Variants in EIF3J observed in about 807,000 individuals in gnomAD.
EIF3J encodes eukaryotic translation initiation factor 3 subunit J, also known as eukaryotic translation initiation factor 3, subunit 1 (alpha, 35kD).
In EIF3J, 15 loss-of-function variants were observed where a neutral mutation model predicts 39.0. The ratio of observed to expected loss-of-function variants is 0.38; its 90% CI spans 0.26 to 0.59. EIF3J has a LOEUF of 0.59. Ranked by LOEUF, EIF3J falls within the 20% of genes least tolerant of loss-of-function variation. EIF3J has a pLI of 0.60. For missense variants in EIF3J, 226 were observed against 308.6 expected (o/e 0.73, Z 2.00); for synonymous variants, 98 against 112.9 (o/e 0.87, Z 0.84).
In EIF3J at chr15:44,551,486, G is replaced by A; in HGVS notation, c.258G>A (p.Arg86=). ...CAGAGAAGATAAAAGAGAAAGAACGGCAACAGAAGAAAAGGCAAGAAGAAA... is the reference window on the plus strand; with the variant it reads ...CAGAGAAGATAAAAGAGAAAGAACGACAACAGAAGAAAAGGCAAGAAGAAA... The part of the protein sequence containing the change: ...KIAEKIKEKE[R]QQKKRQEEIK... Residue 86 remains arginine (R), a synonymous_variant, in exon 4 of 8, where the codon CGG becomes CGA. Transcript: ENST00000261868. The A allele has an allele frequency of 1.3e-6, 2 of 1,590,784 alleles. No individual in the cohort carries two copies. Among genetic ancestry groups the A allele is most frequent in the South Asian group, 2.3e-5 (2 of 86,500 alleles).
At chr15:44,549,780 A>C (rs1009685038) in intron 2 of EIF3J, among the ~76,000 whole-genome samples, 5 of 150,122 alleles carry the variant, frequency 3.3e-5, no homozygotes, top group Admixed American at 1.3e-4. Flanking sequence ...AAAAAAAAAA[A>C]AAAAAAAAAA....
intron 2 of EIF3J, among the ~76,000 whole-genome samples, chr15:44,548,346 C>T (rs957180066): frequency 2.0e-5 from 3 of 152,146 alleles, no homozygotes; most frequent in African/African-American, 7.2e-5. Flanking sequence ...ACCCAGGAGG[C>T]AGAGGTTGCA....
intron 2 of EIF3J, among the ~76,000 whole-genome samples, chr15:44,540,581 T>C (rs745331644): frequency 3.9e-5 from 6 of 151,954 alleles, no homozygotes; most frequent in Non-Finnish European, 8.8e-5. Flanking sequence ...CCTATTTATT[T>C]TGAGACAGAT....
chr15:44,543,381 G>A (rs1263948498), intron 2 of EIF3J, among the ~76,000 whole-genome samples: 3 of 150,960 alleles, frequency 2.0e-5, no homozygotes, highest in African/African-American at 4.9e-5. Context: ...AGGAGCAGAT[G>A]TCATGGCTCT....
At chr15:44,552,537 G>A (rs996236785) in intron 4 of EIF3J, among the ~76,000 whole-genome samples, 1 of 151,658 alleles carries the variant, frequency 6.6e-6, no homozygotes, top group Non-Finnish European at 1.5e-5. Context: ...GAGCCACCAC[G>A]TCCAGCCTAT....
intron 2 of EIF3J, among the ~76,000 whole-genome samples, chr15:44,544,258 C>T (rs1163900740): frequency 4.0e-5 from 6 of 151,570 alleles, no homozygotes; most frequent in East Asian, 2.0e-4. Flanking sequence ...CCACGCCCTG[C>T]TAATTTTTTT....
Position 44,550,710 on chromosome 15 carries a change from G to A in EIF3J, c.148-166G>A, listed in dbSNP as rs564715525. ...AAGACAGTTCTTATTCTTGGTTAGG[G>A]CAGCTCAGCATTATAAGATGTCAAT... On this transcript the variant is annotated intron_variant, in intron 2 of 7. Coordinates refer to ENST00000261868, the MANE Select transcript of EIF3J (RefSeq NM_003758.4). The A allele has an allele frequency of 1.5e-5, 8 of 519,590 alleles. No individual in the cohort carries two copies. In the Admixed American group the frequency reaches 2.7e-4, roughly 18 times the overall value. The allele number at this position is 519,590 out of a possible 1,614,324, so 32.2% of individuals were successfully genotyped here. A position where few individuals can be genotyped will look rare whatever the true frequency, so the allele number is the denominator to read the frequency against.
Position 44,538,159 on chromosome 15 carries a change from G to A in EIF3J, c.147+732G>A, listed in dbSNP as rs184894841. On this transcript the variant is annotated intron_variant, in intron 2 of 7. Coordinates refer to ENST00000261868, the MANE Select transcript of EIF3J (RefSeq NM_003758.4). ...ATTTGGTGGTGGTTGTAGATGACGGGCCCGTGGTTTTTTGTTGTTGTTGTT... is the reference window on the plus strand; with the variant it reads ...ATTTGGTGGTGGTTGTAGATGACGGACCCGTGGTTTTTTGTTGTTGTTGTT... Among the ~76,000 whole-genome samples the A allele has an allele frequency of 5.9e-5, 9 of 152,222 alleles. No homozygotes were observed. The East Asian group carries it at 1.7e-3, about 29-fold the overall frequency.
intron 2 of EIF3J, among the ~76,000 whole-genome samples, chr15:44,540,264 TA>T (rs1431690324): frequency 0.053 from 2,733 of 51,532 alleles, 44 homozygotes; most frequent in Non-Finnish European, 0.073. Context: ...TATATATATA[TA>T]TATTTTTTTT....
At chr15:44,550,215 A>C (rs983991301) in intron 2 of EIF3J, among the ~76,000 whole-genome samples, 1 of 152,238 alleles carries the variant, frequency 6.6e-6, no homozygotes, top group African/African-American at 2.4e-5. Flanking sequence ...AAGCAACGAT[A>C]AATCTAACTT....
At chr15:44,551,353 A>G (rs2082097486) in intron 3 of EIF3J, 78 bp from the exon 4 acceptor site, 1 of 936,218 alleles carries the variant, frequency 1.1e-6, no homozygotes, top group Admixed American at 2.5e-5. Flanking sequence ...TCTTAATAGT[A>G]TACAAGTATC....
At chr15:44,540,253 ATATATATATATATATT>A (rs1422776173) in intron 2 of EIF3J, among the ~76,000 whole-genome samples, 1 of 50,496 alleles carries the variant, frequency 2.0e-5, no homozygotes, top group Non-Finnish European at 4.3e-5. Context: ...ATATATATAT[ATATATATATATATATT>A]TTTTTTTTTT....
At chr15:44,559,903 G>A (rs2556568) in intron 6 of EIF3J, among the ~76,000 whole-genome samples, 139,449 of 151,974 alleles carry the variant, frequency 0.92, 64,029 homozygotes, top group East Asian at 1. Context: ...ATTACAGGTC[G>A]TCATTATAAA....
At chr15:44,560,428 C>A (rs1444120804) in intron 7 of EIF3J, 106 bp downstream of exon 7, 5 of 1,005,204 alleles carry the variant, frequency 5.0e-6, no homozygotes, top group Non-Finnish European at 7.3e-6. Context: ...AGTCAAGCAA[C>A]TCACTAATAC....
chr15:44,550,913 A>T lies in EIF3J; in HGVS notation c.185A>T (p.Glu62Val). Residue 62 changes from glutamate (E) to valine (V), a missense_variant, in exon 3 of 8, where the codon GAA (glutamate) becomes GTA (valine). By Grantham distance (121) the Glu-to-Val change is moderately radical (BLOSUM62 -2). Around this residue, in one of 2 missense-constraint regions of EIF3J, gnomAD observed 143 missense variants for 156.0 expected, o/e 0.92. Transcript: ENST00000261868. ...GACGATGATGATGAAAAAAAAGAGG[A>T]AGCAGAAGTAAAACCAGGTGAGCCA... is the stretch of plus-strand genomic sequence containing the variant. ...WDDDDDEKKE[E>V]AEVKPEVKIS... 1 of 1,609,588 alleles carries T rather than the reference A, an allele frequency of 6.2e-7. No individual in the cohort carries two copies.
At chr15:44,553,379 C>G (rs920564659) in intron 4 of EIF3J, among the ~76,000 whole-genome samples, 1 of 151,918 alleles carries the variant, frequency 6.6e-6, no homozygotes, top group Non-Finnish European at 1.5e-5. Context: ...GTAGTCCCAG[C>G]TACCTGGGAG....
intron 6 of EIF3J, among the ~76,000 whole-genome samples, chr15:44,559,829 ATAG>A (rs897690212): frequency 6.6e-6 from 1 of 152,118 alleles, no homozygotes; most frequent in African/African-American, 2.4e-5. Context: ...CTGAGGAAGG[ATAG>A]TAGGGAGCAT....
intron 6 of EIF3J, among the ~76,000 whole-genome samples, chr15:44,559,743 G>C (rs984440946): frequency 6.6e-5 from 10 of 151,706 alleles, no homozygotes; most frequent in Non-Finnish European, 1.0e-4. Flanking sequence ...GTCATTTCAT[G>C]TTTATTTGTC....
chr15:44,553,462 A>G (rs1269620694), intron 4 of EIF3J, among the ~76,000 whole-genome samples: 1 of 151,900 alleles, frequency 6.6e-6, no homozygotes, highest in African/African-American at 2.4e-5. Flanking sequence ...ACTGCACTCC[A>G]GCCCGGGCGA....
Sources: gnomAD v4.1 joint callset for allele counts (sites outside exome capture counted in the v4.1 genomes callset) on GRCh38, gnomAD v4.1.1 for gene constraint, gnomAD v4.1.1 regional missense constraint, MANE v1.5 for transcripts, NCBI Gene and HGNC (gene_info 2026-07-23, HGNC 2026-07-21) for gene names.